The following C17orf75 variants were observed in gnomAD, a reference collection of about 807,000 sequenced individuals.
The protein encoded by C17orf75 is chromosome 17 open reading frame 75, also known as protein Njmu-R1.
A neutral mutation model predicts 49.6 loss-of-function variants in C17orf75; 32 were observed. That is an observed-to-expected ratio of 0.65 (90% CI 0.49 to 0.87). The LOEUF (loss-of-function observed/expected upper bound fraction) is 0.87. C17orf75 is among the 40% of genes least tolerant of loss of function. The pLI, the probability that C17orf75 is intolerant of heterozygous loss-of-function variation, is 0.00. For synonymous variants in C17orf75, 158 were observed against 159.5 expected (o/e 0.99, Z 0.07); for missense variants, 428 against 473.9 (o/e 0.90, Z 0.90).
At chr17:32,349,447 G>T (rs1421556701) in intron 1 of C17orf75, among the ~76,000 whole-genome samples, 1 of 152,078 alleles carries the variant, frequency 6.6e-6, no homozygotes, top group Non-Finnish European at 1.5e-5. Flanking sequence ...CGGGCTTGGT[G>T]GCGCGGGCCT....
At chr17:32,348,007 G>A (rs1210751882) in intron 1 of C17orf75, among the ~76,000 whole-genome samples, 1 of 151,432 alleles carries the variant, frequency 6.6e-6, no homozygotes, top group African/African-American at 2.4e-5. Flanking sequence ...ACTGCACCCA[G>A]CCTGAACTTT....
rs771743905 is a variant in C17orf75 at position 32,331,760 on chromosome 17, T to A, written c.*3A>T. Reference sequence around the variant, plus strand: ...GATCATACAATTATCTCAAAACATATGATCAAAAACTTTGGTCAAGAGCTT... The same window carrying A: ...GATCATACAATTATCTCAAAACATAAGATCAAAAACTTTGGTCAAGAGCTT... On this transcript the variant is annotated 3_prime_UTR_variant, in exon 10 of 10. Transcript: ENST00000577809. The A allele has an allele frequency of 6.2e-7, 1 of 1,604,886 alleles. No individual in the cohort carries two copies. Among genetic ancestry groups the A allele is most frequent in the South Asian group, 1.1e-5 (1 of 90,910 alleles).
In C17orf75 at chr17:32,341,983, G is replaced by T; in HGVS notation, c.140+17C>A. ...GCAGGGGCGGGCGGGCTGGCAGGCCGAGCTGGGCGCCAGCACCTGCTTCCG... is the reference window on the plus strand; with the variant it reads ...GCAGGGGCGGGCGGGCTGGCAGGCCTAGCTGGGCGCCAGCACCTGCTTCCG... On this transcript the variant is annotated intron_variant, in intron 1 of 9. Transcript: ENST00000577809. 3 of 1,425,100 alleles carry T rather than the reference G, an allele frequency of 2.1e-6. No homozygotes were observed. In the South Asian group the frequency reaches 4.3e-5, roughly 20 times the overall value. The allele number at this position is 1,425,100 out of a possible 1,614,324, so 88.3% of individuals were successfully genotyped here.
intron 1 of C17orf75, among the ~76,000 whole-genome samples, chr17:32,347,586 A>G (rs2041435216): frequency 6.6e-6 from 1 of 152,098 alleles, no homozygotes; most frequent in Non-Finnish European, 1.5e-5. Context: ...CACCCACTGA[A>G]TTATATTTTC....
At chr17:32,343,632 T>C (rs150130543), upstream of C17orf75, 1 of 521,570 alleles carries the variant, frequency 1.9e-6, no homozygotes, top group East Asian at 3.2e-5. Context: ...CAAGTGAGTA[T>C]AGCAGTCAGA....
At chr17:32,336,740 G>T (rs957110837) in intron 5 of C17orf75, among the ~76,000 whole-genome samples, 2 of 152,086 alleles carry the variant, frequency 1.3e-5, no homozygotes, top group African/African-American at 2.4e-5. Context: ...TCCTCGCCAG[G>T]CATGTTACTA....
chr17:32,339,265 G>C (rs1441221218), intron 3 of C17orf75, among the ~76,000 whole-genome samples: 1 of 151,848 alleles, frequency 6.6e-6, no homozygotes, highest in South Asian at 2.1e-4. Context: ...GAGAGTATCT[G>C]CTATATTTCC....
intron 2 of C17orf75, among the ~76,000 whole-genome samples, chr17:32,340,644 C>CAATAAAAA (rs2041370098): frequency 8.2e-6 from 1 of 122,572 alleles, no homozygotes. Flanking sequence ...GACTCTGTCT[C>CAATAAAAA]AAAAAAAAAA....
chr17:32,340,378 C>T (rs569205397), intron 2 of C17orf75, among the ~76,000 whole-genome samples: 50 of 151,914 alleles, frequency 3.3e-4, no homozygotes, highest in African/African-American at 1.1e-3. Flanking sequence ...CAGTGGCTCA[C>T]GCCTGTAATC....
chr17:32,344,085 T>C, upstream of C17orf75: 1 of 572,586 alleles, frequency 1.7e-6, no homozygotes, highest in Non-Finnish European at 3.1e-6. Flanking sequence ...ATCAAGGAAT[T>C]GAGAAAAAAG....
chr17:32,333,834 CAG>C lies in C17orf75; in HGVS notation c.872-316_872-315del, dbSNP rs1232997814. Among the ~76,000 whole-genome samples the C allele has an allele frequency of 4.6e-5, 7 of 152,146 alleles. No homozygotes were observed. In the South Asian group the frequency reaches 8.3e-4, roughly 18 times the overall value. ...AGACATGTATAATGGCCTAAAAAAA[CAG>C]TGTGCTCACCACATGGCTAAGGAAT... On this transcript the variant is annotated intron_variant, in intron 8 of 9. Coordinates refer to ENST00000577809, the MANE Select transcript of C17orf75 (RefSeq NM_022344.4).
At chr17:32,336,595 G>GTTT (rs1376557117) in intron 5 of C17orf75, among the ~76,000 whole-genome samples, 4 of 152,158 alleles carry the variant, frequency 2.6e-5, no homozygotes, top group Non-Finnish European at 2.9e-5. Context: ...ATGTTTTTAA[G>GTTT]AATCTTTGAT....
intron 1 of C17orf75, 53 bp from the exon 2 acceptor site, chr17:32,341,337 G>A: frequency 1.9e-6 from 3 of 1,581,656 alleles, no homozygotes; most frequent in South Asian, 1.1e-5. Context: ...AAACCAAGAG[G>A]AGTATGGGGG....
exon 1 of C17orf75, chr17:32,350,009 A>C (rs576118136): frequency 9.8e-6 from 13 of 1,326,050 alleles, no homozygotes; most frequent in East Asian, 3.1e-5. Context: ...GAAAGCGAAA[A>C]ACTCTGAAAC....
At position 32,333,420 on chromosome 17, in the gene C17orf75, T is replaced by C; in HGVS notation, c.972A>G (p.Leu324=). Residue 324 remains leucine (L), a synonymous_variant, in exon 9 of 10, where the codon CTA becomes CTG. Transcript: ENST00000577809. ...TGGCACACAGCCAACTAATTACCTT[T>C]AGTTTAAAGTTCTCCAGTACTTGTC... ...LFRQVLENFK[L]KAIQDTNNLK... The C allele has an allele frequency of 1.2e-6, 2 of 1,602,478 alleles. No homozygotes were observed. The highest frequency in any genetic ancestry group is 1.7e-6 in the Non-Finnish European group (2 of 1,175,766).
intron 1 of C17orf75, chr17:32,341,715 G>T: frequency 1.2e-6 from 1 of 804,500 alleles, no homozygotes; most frequent in Non-Finnish European, 1.6e-6. Flanking sequence ...GGGGCACTGC[G>T]CTAAACAAAG....
At chr17:32,347,360 C>T (rs1405135126) in intron 1 of C17orf75, among the ~76,000 whole-genome samples, 4 of 151,868 alleles carry the variant, frequency 2.6e-5, no homozygotes, top group Non-Finnish European at 5.9e-5. Flanking sequence ...CTCACTACAA[C>T]CTCCGCCTCC....
chr17:32,339,999 T>A lies in C17orf75; in HGVS notation c.222-61A>T, dbSNP rs543838356. On this transcript the variant is annotated intron_variant, in intron 2 of 9. Coordinates refer to ENST00000577809, the MANE Select transcript of C17orf75 (RefSeq NM_022344.4). Reference sequence around the variant, plus strand: ...GACTAGGGTATTCACACCCATTAAGTCAGACAGAATGGTACCAACGCCAGG... The same window carrying A: ...GACTAGGGTATTCACACCCATTAAGACAGACAGAATGGTACCAACGCCAGG... 4.6e-5 allele frequency: 74 copies of A among 1,591,912 alleles called. No individual in the cohort carries two copies. In the East Asian group the frequency reaches 1.5e-3, roughly 33 times the overall value.
At chr17:32,348,897 A>C (rs2041452316) in intron 1 of C17orf75, among the ~76,000 whole-genome samples, 2 of 116,344 alleles carry the variant, frequency 1.7e-5, no homozygotes, top group Admixed American at 1.0e-4. Context: ...ACGGAGTCTC[A>C]CTCTGTCACC....
Sources: allele counts gnomAD v4.1 joint callset (sites outside exome capture counted in the v4.1 genomes callset), GRCh38; gene constraint gnomAD v4.1.1; transcripts MANE v1.5; gene names NCBI Gene and HGNC (gene_info 2026-07-23, HGNC 2026-07-21).